ARCN1: variants seen among roughly 807,000 people sequenced by gnomAD.
ARCN1 encodes the protein archain 1 coat protein complex I subunit delta.
A neutral mutation model predicts 60.4 loss-of-function variants in ARCN1; 5 were observed. The observed-to-expected ratio is 0.08, with a 90% CI of 0.04 to 0.17. The LOEUF (loss-of-function observed/expected upper bound fraction) is 0.17. ARCN1 is among the 10% of genes least tolerant of loss of function. ARCN1 has a pLI of 1.00. For synonymous variants in ARCN1, 224 were observed against 220.0 expected (o/e 1.02, Z -0.16); for missense variants, 464 against 626.5 (o/e 0.74, Z 2.77).
At chr11:118,586,820 C>A (rs1938788877) in intron 5 of ARCN1, among the ~76,000 whole-genome samples, 1 of 148,762 alleles carries the variant, frequency 6.7e-6, no homozygotes, top group Non-Finnish European at 1.5e-5. Flanking sequence ...CCACTGCACT[C>A]CAGCCTGGGC....
intron 9 of ARCN1, among the ~76,000 whole-genome samples, chr11:118,599,234 C>T (rs782518782): frequency 4.0e-5 from 6 of 148,190 alleles, no homozygotes; most frequent in East Asian, 4.0e-4. Flanking sequence ...CTGGGACTAC[C>T]GGCATGCGCC....
At chr11:118,588,342 G>C (rs530821517) in intron 5 of ARCN1, among the ~76,000 whole-genome samples, 1 of 152,266 alleles carries the variant, frequency 6.6e-6, no homozygotes, top group East Asian at 1.9e-4. Flanking sequence ...GGCAGGAGAA[G>C]GTCAAAGAGA....
chr11:118,588,878 CG>C (rs1365059522), intron 5 of ARCN1, among the ~76,000 whole-genome samples: 1 of 152,006 alleles, frequency 6.6e-6, no homozygotes. Flanking sequence ...ATGAACCGGG[CG>C]TGGTGGCAGG....
intron 7 of ARCN1, 146 bp downstream of exon 7, chr11:118,593,002 T>C: frequency 2.6e-6 from 2 of 783,568 alleles, no homozygotes; most frequent in Non-Finnish European, 3.9e-6. Flanking sequence ...TGCTGCATTT[T>C]GTATATTTTT....
chr11:118,592,595 G>A, intron 6 of ARCN1, 114 bp from the exon 7 acceptor site: 1 of 689,830 alleles, frequency 1.4e-6, no homozygotes, highest in East Asian at 2.7e-5. Flanking sequence ...AAAAGAATTG[G>A]AATTTGTTAG....
chr11:118,597,983 C>T (rs527421456), intron 9 of ARCN1, 72 bp downstream of exon 9: 15 of 1,469,968 alleles, frequency 1.0e-5, no homozygotes, highest in Middle Eastern at 1.8e-4. Context: ...GGATGCCAGA[C>T]AGGTAGCATG....
At position 118,593,706 on chromosome 11, in the gene ARCN1, CTGTCCCTG is replaced by C. The variant is rs1238273586; in HGVS notation, c.1241+14_1241+21del. Reference sequence around the variant, plus strand: ...TATCACCATCCCACTCCCGTAAGTGCTGTCCCTGTGTCCTCTACGGTGGACTTAGAGAA... The same window carrying C: ...TATCACCATCCCACTCCCGTAAGTGCTGTCCTCTACGGTGGACTTAGAGAA... On this transcript the variant is annotated intron_variant, in intron 8 of 9. Coordinates refer to ENST00000264028, the MANE Select transcript of ARCN1 (RefSeq NM_001655.5). The C allele has an allele frequency of 1.3e-6, 2 of 1,583,434 alleles. No individual in the cohort carries two copies. Among genetic ancestry groups the C allele is most frequent in the Admixed American group, 3.3e-5 (2 of 59,916 alleles).
At chr11:118,582,465 T>C (rs1250744796) in intron 2 of ARCN1, among the ~76,000 whole-genome samples, 18 of 149,198 alleles carry the variant, frequency 1.2e-4, no homozygotes, top group Admixed American at 1.0e-3. Context: ...TGGCTCACGC[T>C]TGTAATCCCA....
chr11:118,590,356 T>C lies in ARCN1; in HGVS notation c.834T>C (p.Ile278=). 1 of 1,613,514 alleles carries C rather than the reference T, an allele frequency of 6.2e-7. No homozygotes were observed. ...PINMESVHMK[I]EEKITLTCGR... is the part of the protein sequence containing the mutation. ...CTCTTTATAGTGTACATATGAAGATTGAAGAAAAGATAACATTAACCTGTG... is the reference window on the plus strand; with the variant it reads ...CTCTTTATAGTGTACATATGAAGATCGAAGAAAAGATAACATTAACCTGTG... The change falls in exon 6 of 10, where the codon ATT becomes ATC. Residue 278 remains isoleucine, a synonymous_variant. Coordinates refer to ENST00000264028, the MANE Select transcript of ARCN1 (RefSeq NM_001655.5).
chr11:118,578,698 G>T (rs1938579374), intron 1 of ARCN1, among the ~76,000 whole-genome samples: 1 of 152,076 alleles, frequency 6.6e-6, no homozygotes, highest in Non-Finnish European at 1.5e-5. Context: ...AAATTTTGGG[G>T]GGAGAGTCAA....
At chr11:118,583,494 C>A in intron 3 of ARCN1, 136 bp downstream of exon 3, 1 of 1,112,524 alleles carries the variant, frequency 9.0e-7, no homozygotes, top group African/African-American at 1.6e-5. Context: ...TGGCTCATGT[C>A]TGTAATCTCA....
intron 8 of ARCN1, among the ~76,000 whole-genome samples, chr11:118,595,293 C>T (rs185038057): frequency 1.3e-5 from 2 of 152,318 alleles, no homozygotes; most frequent in East Asian, 1.9e-4. Flanking sequence ...TTCATTTTCA[C>T]GTGCTAGTCT....
chr11:118,577,623 T>G (rs1408997400), intron 1 of ARCN1, among the ~76,000 whole-genome samples: 1 of 152,172 alleles, frequency 6.6e-6, no homozygotes, highest in Non-Finnish European at 1.5e-5. Flanking sequence ...TCCACGCACT[T>G]TATCGGTTAC....
In ARCN1 at chr11:118,594,244, C is replaced by T. The variant is rs150668193; in HGVS notation, c.1241+546C>T. Among the ~76,000 whole-genome samples, 556 of 152,194 alleles carry T rather than the reference C, an allele frequency of 3.7e-3. 2 individuals are homozygous for T. The highest frequency in any genetic ancestry group is 0.029 in the East Asian group (150 of 5,168). Reference sequence around the variant, plus strand: ...CCTCCCGAGTAGCTGGGACTACAGGCGCACACCACCACGCTTGGCTAATTT... The same window carrying T: ...CCTCCCGAGTAGCTGGGACTACAGGTGCACACCACCACGCTTGGCTAATTT... On this transcript the variant is annotated intron_variant, in intron 8 of 9. Coordinates refer to ENST00000264028, the MANE Select transcript of ARCN1 (RefSeq NM_001655.5).
chr11:118,576,426 T>TAAAAAAAAAAAAA (rs10671866), intron 1 of ARCN1, among the ~76,000 whole-genome samples: 7 of 108,744 alleles, frequency 6.4e-5, no homozygotes, highest in Admixed American at 1.2e-4. Flanking sequence ...CCAAAAATGT[T>TAAAAAAAAAAAAA]AAAAAAAAAA....
At chr11:118,591,716 T>C (rs1213830124) in intron 6 of ARCN1, among the ~76,000 whole-genome samples, 1 of 150,620 alleles carries the variant, frequency 6.6e-6, no homozygotes, top group Non-Finnish European at 1.5e-5. Context: ...TGTTTTTGTC[T>C]TGTTTTTTTG....
intron 3 of ARCN1, 27 bp downstream of exon 3, chr11:118,583,385 C>A: frequency 1.9e-6 from 3 of 1,579,988 alleles, no homozygotes; most frequent in Non-Finnish European, 2.6e-6. Flanking sequence ...CTGGGACTAC[C>A]TGTTTGTATG....
chr11:118,582,171 C>A (rs952686248), intron 2 of ARCN1, among the ~76,000 whole-genome samples: 1 of 152,082 alleles, frequency 6.6e-6, no homozygotes, highest in African/African-American at 2.4e-5. Context: ...GAGTCTCGCT[C>A]TTGCCCTGGC....
chr11:118,597,059 T>C (rs995688289), intron 8 of ARCN1, among the ~76,000 whole-genome samples: 7 of 152,082 alleles, frequency 4.6e-5, no homozygotes, highest in African/African-American at 1.4e-4. Context: ...ATACAAAAAT[T>C]AGCTGGGCGT....
Sources: gnomAD v4.1 joint callset for allele counts (sites outside exome capture counted in the v4.1 genomes callset) on GRCh38, gnomAD v4.1.1 for gene constraint, MANE v1.5 for transcripts, NCBI Gene and HGNC (gene_info 2026-07-23, HGNC 2026-07-21) for gene names.